ARHGAP26: variants seen among roughly 807,000 people sequenced by gnomAD.
The protein encoded by ARHGAP26 is Rho GTPase activating protein 26.
A neutral mutation model predicts 104.8 loss-of-function variants in ARHGAP26; 38 were observed. The observed-to-expected ratio is 0.36, with a 90% CI of 0.28 to 0.48. The LOEUF (loss-of-function observed/expected upper bound fraction) is 0.48, where lower values mean the gene tolerates loss of function less well. ARHGAP26 is among the 20% of genes least tolerant of loss of function. The probability of loss-of-function intolerance (pLI) is 0.99; values close to 1 mark genes in which losing one functional copy is unlikely to be tolerated. For missense variants in ARHGAP26, 704 were observed against 947.9 expected (o/e 0.74, Z 3.38); for synonymous variants, 341 against 340.0 (o/e 1.00, Z -0.03).
At chr5:142,928,127 TTAAG>T (rs1451428158) in intron 10 of ARHGAP26, among the ~76,000 whole-genome samples, 1 of 152,142 alleles carries the variant, frequency 6.6e-6, no homozygotes, top group Admixed American at 6.5e-5. Flanking sequence ...ATAAAAGTAA[TTAAG>T]TAATTAAATT....
At chr5:143,012,623 T>C (rs1779053056) in intron 11 of ARHGAP26, among the ~76,000 whole-genome samples, 2 of 120,428 alleles carry the variant, frequency 1.7e-5, no homozygotes, top group Admixed American at 9.5e-5. Flanking sequence ...AGAACCTTAA[T>C]GACCAAAGAA....
intron 1 of ARHGAP26, chr5:142,869,064 G>A (rs182650217): frequency 1.7e-4 from 26 of 156,096 alleles, no homozygotes; most frequent in Admixed American, 6.4e-4. Flanking sequence ...TCCAGGAAAG[G>A]AAGAGATTAA....
chr5:143,175,538 C>A (rs1803360692), intron 20 of ARHGAP26, among the ~76,000 whole-genome samples: 1 of 151,342 alleles, frequency 6.6e-6, no homozygotes, highest in Non-Finnish European at 1.5e-5. Flanking sequence ...AAAAATGGTA[C>A]ACTTTTTTTT....
intron 1 of ARHGAP26, among the ~76,000 whole-genome samples, chr5:142,774,809 A>G (rs1282620836): frequency 6.6e-6 from 1 of 152,092 alleles, no homozygotes; most frequent in Non-Finnish European, 1.5e-5. Context: ...CTTTTCCAGA[A>G]TGTCATGTAG....
At chr5:143,138,098 ACT>A (rs1253181235) in intron 19 of ARHGAP26, among the ~76,000 whole-genome samples, 1 of 150,118 alleles carries the variant, frequency 6.7e-6, no homozygotes, top group African/African-American at 2.5e-5. Context: ...CCTGCCTGCG[ACT>A]CTCTCTCTTT....
intron 20 of ARHGAP26, among the ~76,000 whole-genome samples, chr5:143,189,356 T>A (rs566140943): frequency 6.6e-6 from 1 of 152,164 alleles, no homozygotes; most frequent in African/African-American, 2.4e-5. Flanking sequence ...CAGTCTACTT[T>A]GTTGAGATCT....
rs115886842 is a variant in ARHGAP26, at chr5:142,975,112, G to A, written c.1108-38968G>A. 1.1e-3 allele frequency among the ~76,000 whole-genome samples: 160 copies of A among 152,256 alleles called. 1 individual carries two copies. The highest frequency in any genetic ancestry group is 3.7e-3 in the African/African-American group (155 of 41,532). Reference sequence around the variant, plus strand: ...AAAGATTCTGTCTTACACATGGGGTGGTCGAGGAGGGGAGGCAGGTTTGTA... The same window carrying A: ...AAAGATTCTGTCTTACACATGGGGTAGTCGAGGAGGGGAGGCAGGTTTGTA... On this transcript the variant is annotated intron_variant, in intron 11 of 22. Coordinates refer to ENST00000645722, the MANE Select transcript of ARHGAP26 (RefSeq NM_001135608.3).
intron 20 of ARHGAP26, chr5:143,169,738 G>A (rs559806797): frequency 2.6e-5 from 4 of 152,294 alleles, no homozygotes; most frequent in African/African-American, 9.6e-5. Flanking sequence ...CTCTGCGGAT[G>A]GAGAAGGGGT....
intron 20 of ARHGAP26, among the ~76,000 whole-genome samples, chr5:143,166,750 G>C (rs190893473): frequency 2.3e-4 from 35 of 152,324 alleles, no homozygotes; most frequent in African/African-American, 8.4e-4. Flanking sequence ...TGTAGCCACA[G>C]TGAACTGGGT....
intron 21 of ARHGAP26, among the ~76,000 whole-genome samples, chr5:143,213,520 G>A (rs1809844051): frequency 6.6e-6 from 1 of 152,202 alleles, no homozygotes; most frequent in African/African-American, 2.4e-5. Context: ...ATGTCCGCCC[G>A]TGGCCTGGAA....
In ARHGAP26 at chr5:142,971,930, C is replaced by G. The variant is rs182722762; in HGVS notation, c.1107+39805C>G. Among the ~76,000 whole-genome samples the G allele has an allele frequency of 1.6e-3, 251 of 152,162 alleles. 1 individual carries two copies. The highest frequency in any genetic ancestry group is 5.7e-3 in the African/African-American group (237 of 41,520). On this transcript the variant is annotated intron_variant, in intron 11 of 22. Coordinates refer to ENST00000645722, the MANE Select transcript of ARHGAP26 (RefSeq NM_001135608.3). ...GGCACGGTGGCTCACGCCTATAATC[C>G]CAGCATTTTGGGAGGTCGAGGCGGG... is the stretch of plus-strand genomic sequence containing the variant.
intron 21 of ARHGAP26, chr5:143,207,574 C>T: frequency 2.8e-6 from 4 of 1,415,654 alleles, no homozygotes; most frequent in Non-Finnish European, 3.9e-6. Flanking sequence ...TCCTAAGAGA[C>T]CAGAGCTAAA....
chr5:143,136,543 A>G (rs1797926230), intron 19 of ARHGAP26, among the ~76,000 whole-genome samples: 2 of 152,172 alleles, frequency 1.3e-5, no homozygotes, highest in African/African-American at 4.8e-5. Context: ...GTCTGTGTGT[A>G]TATATTGGTT....
chr5:142,958,953 A>G (rs1769738237), intron 11 of ARHGAP26, among the ~76,000 whole-genome samples: 1 of 151,870 alleles, frequency 6.6e-6, no homozygotes, highest in Admixed American at 6.6e-5. Flanking sequence ...ATATAGAGGA[A>G]AATGTGCATA....
At chr5:142,847,089 A>C (rs932433808) in intron 1 of ARHGAP26, among the ~76,000 whole-genome samples, 1 of 152,120 alleles carries the variant, frequency 6.6e-6, no homozygotes, top group Non-Finnish European at 1.5e-5. Flanking sequence ...ACCTTGGGCA[A>C]ATCACTGTGC....
intron 3 of ARHGAP26, among the ~76,000 whole-genome samples, chr5:142,877,655 G>A (rs906407540): frequency 6.6e-6 from 1 of 152,214 alleles, no homozygotes; most frequent in African/African-American, 2.4e-5. Context: ...GAGCAGTTGA[G>A]CACTTTCGTT....
At chr5:142,934,610 T>C (rs557479199) in intron 11 of ARHGAP26, among the ~76,000 whole-genome samples, 57 of 152,378 alleles carry the variant, frequency 3.7e-4, no homozygotes, top group Middle Eastern at 3.4e-3. Flanking sequence ...GAGTTAAATC[T>C]GTCCCCGTGG....
At chr5:142,860,939 C>T (rs1200459042) in intron 1 of ARHGAP26, among the ~76,000 whole-genome samples, 2 of 152,212 alleles carry the variant, frequency 1.3e-5, no homozygotes, top group African/African-American at 4.8e-5. Context: ...TCCTAGGCCT[C>T]AGCCCTAGAG....
intron 20 of ARHGAP26, among the ~76,000 whole-genome samples, chr5:143,179,852 AC>A (rs1230661467): frequency 6.6e-6 from 1 of 151,740 alleles, no homozygotes; most frequent in African/African-American, 2.4e-5. Context: ...TTTTGTCCCC[AC>A]TCAACCCACT....
Sources: allele counts gnomAD v4.1 joint callset (sites outside exome capture counted in the v4.1 genomes callset), GRCh38; gene constraint gnomAD v4.1.1; transcripts MANE v1.5; gene names NCBI Gene and HGNC (gene_info 2026-07-23, HGNC 2026-07-21).